Variants in DMXL2 observed in about 807,000 individuals in gnomAD.
DMXL2 encodes dmX-like protein 2.
A neutral mutation model predicts 331.1 loss-of-function variants in DMXL2; 103 were observed. That is an observed-to-expected ratio of 0.31 (90% CI 0.27 to 0.37). DMXL2 has a LOEUF of 0.37. DMXL2 is among the 10% of genes least tolerant of loss of function. The pLI, the probability that DMXL2 is intolerant of heterozygous loss-of-function variation, is 1.00. For synonymous variants in DMXL2, 1,281 were observed against 1,252.1 expected (o/e 1.02, Z -0.49); for missense variants, 3,171 against 3,642.9 (o/e 0.87, Z 3.33).
At position 51,476,606 on chromosome 15, in the gene DMXL2, G is replaced by A; in HGVS notation, c.6947C>T (p.Ser2316Phe). The change falls in exon 27 of 44, where the codon TCT (serine) becomes TTT (phenylalanine). Residue 2316 changes from serine to phenylalanine, a missense_variant. This residue lies in a region of DMXL2 where 766 missense variants were observed against 940.5 expected (regional missense o/e 0.81). Transcript: ENST00000560891. ...ATTCTCACCAGGCCATTGAGCAGGA[G>A]ATGAATTTGGTGTTGCGTGTTCTTC... is the stretch of plus-strand genomic sequence containing the variant. ...SIEEHATPNS[S>F]PAQWPGVSSL... 6.2e-7 allele frequency: 1 copy of A among 1,608,160 alleles called. No homozygotes were observed. Among genetic ancestry groups the A allele is most frequent in the East Asian group, 2.2e-5 (1 of 44,608 alleles).
intron 2 of DMXL2, among the ~76,000 whole-genome samples, chr15:51,572,060 A>G (rs1240681241): frequency 2.0e-5 from 3 of 152,128 alleles, no homozygotes; most frequent in Admixed American, 6.5e-5. Flanking sequence ...AAAGAAAAAA[A>G]GAGAAGAATC....
intron 1 of DMXL2, among the ~76,000 whole-genome samples, chr15:51,621,800 A>C (rs1201144520): frequency 6.6e-6 from 1 of 151,852 alleles, no homozygotes; most frequent in Non-Finnish European, 1.5e-5. Flanking sequence ...TTACCAAACT[A>C]CGACCTCCTG....
intron 42 of DMXL2, 87 bp from the exon 43 acceptor site, chr15:51,450,433 C>T (rs1178227982): frequency 8.3e-7 from 1 of 1,201,998 alleles, no homozygotes; most frequent in African/African-American, 1.5e-5. Context: ...AAATACAGAC[C>T]TTACTGATGC....
Position 51,538,386 on chromosome 15 carries a change from T to C in DMXL2, c.1172A>G (p.His391Arg). The change falls in exon 10 of 44, where the codon CAT becomes CGT. Residue 391 changes from histidine (H) to arginine (R), a missense_variant. Coordinates refer to ENST00000560891, the MANE Select transcript of DMXL2 (RefSeq NM_001378457.1). ...ATGAAATTCCTTGTTGTTTAACCAA[T>C]GAACTACAAAGCCCCCATTTCCATC... Reference protein sequence around the residue: ...VDDGNGGFVVHWLNNKEFHFT... With the variant: ...VDDGNGGFVVRWLNNKEFHFT... 1.2e-6 allele frequency: 2 copies of C among 1,613,280 alleles called. No individual in the cohort carries two copies. Among genetic ancestry groups the C allele is most frequent in the Non-Finnish European group, 1.7e-6 (2 of 1,179,334 alleles).
In DMXL2 at chr15:51,570,275, A is replaced by G. The variant is rs146783698; in HGVS notation, c.214-1717T>C. Among the ~76,000 whole-genome samples the G allele has an allele frequency of 5.5e-3, 831 of 152,302 alleles. 7 individuals are homozygous for G. Among genetic ancestry groups the G allele is most frequent in the African/African-American group, 0.019 (800 of 41,564 alleles). On this transcript the variant is annotated intron_variant, in intron 2 of 43. Coordinates refer to ENST00000560891, the MANE Select transcript of DMXL2 (RefSeq NM_001378457.1). ...AGTGAAACAAATGAACAAATCCTTC[A>G]AGAAATATGGGACTATGTGAAAAGA...
chr15:51,589,575 G>T (rs1231559321), intron 1 of DMXL2, among the ~76,000 whole-genome samples: 3 of 152,178 alleles, frequency 2.0e-5, no homozygotes, highest in African/African-American at 4.8e-5. Flanking sequence ...AGAATTCTGG[G>T]AGGAAAGAGA....
chr15:51,562,200 C>G (rs531939969), intron 6 of DMXL2, among the ~76,000 whole-genome samples: 1 of 152,044 alleles, frequency 6.6e-6, no homozygotes, highest in Non-Finnish European at 1.5e-5. Context: ...TTACACATTA[C>G]GCATGTATCA....
chr15:51,479,770 C>T (rs763568506), intron 25 of DMXL2, among the ~76,000 whole-genome samples, 178 bp downstream of exon 25: 5 of 152,172 alleles, frequency 3.3e-5, no homozygotes, highest in Non-Finnish European at 7.4e-5. Flanking sequence ...AATAACTTCT[C>T]CAGAAGTAAG....
chr15:51,577,315 G>A (rs2051115739), intron 1 of DMXL2, among the ~76,000 whole-genome samples: 1 of 152,134 alleles, frequency 6.6e-6, no homozygotes, highest in Non-Finnish European at 1.5e-5. Context: ...ATATAAGGCT[G>A]CTAATGAAAG....
At chr15:51,503,863 T>A (rs543898523) in intron 16 of DMXL2, among the ~76,000 whole-genome samples, 199 of 152,228 alleles carry the variant, frequency 1.3e-3, no homozygotes, top group Middle Eastern at 3.4e-3. Flanking sequence ...TAAATTTTTT[T>A]AAAAAAATTA....
chr15:51,589,266 T>C (rs1369319973), intron 1 of DMXL2, among the ~76,000 whole-genome samples: 5 of 152,162 alleles, frequency 3.3e-5, no homozygotes, highest in Admixed American at 6.6e-5. Flanking sequence ...AACTCACAAG[T>C]TTCAGAAGCA....
intron 35 of DMXL2, 36 bp from the exon 36 acceptor site, chr15:51,458,663 T>G: frequency 6.2e-7 from 1 of 1,613,910 alleles, no homozygotes; most frequent in Non-Finnish European, 8.5e-7. Context: ...ATTTAAGCAA[T>G]TTCACTAAGG....
Position 51,481,215 on chromosome 15 carries a change from T to C in DMXL2, c.5891A>G (p.Gln1964Arg). The change falls in exon 24 of 44, where the codon CAG becomes CGG. Residue 1964 changes from glutamine to arginine, a missense_variant. Gln to Arg is a conservative substitution (Grantham distance 43, BLOSUM62 1). This residue lies in a region of DMXL2 where 244 missense variants were observed against 251.4 expected (regional missense o/e 0.97). Coordinates refer to ENST00000560891, the MANE Select transcript of DMXL2 (RefSeq NM_001378457.1). The stretch of plus-strand genomic sequence containing the variant: ...TTCCTCATCAACTTTTACTATTGGC[T>C]GACTCCAGTCATACTGTGATGAAGT... Reference protein sequence around the residue: ...NVTSSQYDWSQPIVKVDEEPL... With the variant: ...NVTSSQYDWSRPIVKVDEEPL... 10 of 1,614,042 alleles carry C rather than the reference T, an allele frequency of 6.2e-6. No homozygotes were observed. Among genetic ancestry groups the C allele is most frequent in the Non-Finnish European group, 8.5e-6 (10 of 1,179,936 alleles).
intron 43 of DMXL2, 118 bp downstream of exon 43, chr15:51,450,011 T>A: frequency 2.3e-6 from 2 of 884,266 alleles, no homozygotes; most frequent in South Asian, 1.7e-5. Context: ...ATATGCAGTA[T>A]CTCCATGCAG....
At chr15:51,517,055 C>T (rs956921517) in intron 14 of DMXL2, 23 bp downstream of exon 14, 5 of 1,585,972 alleles carry the variant, frequency 3.2e-6, no homozygotes, top group African/African-American at 2.7e-5. Flanking sequence ...ACGAATATCA[C>T]CAATTCACAA....
intron 1 of DMXL2, among the ~76,000 whole-genome samples, chr15:51,608,565 A>G (rs777568371): frequency 3.3e-5 from 5 of 152,218 alleles, no homozygotes; most frequent in Non-Finnish European, 7.3e-5. Flanking sequence ...ATGGACACAA[A>G]GAAGGGAACA....
chr15:51,448,273 C>T lies in DMXL2; in HGVS notation c.*711G>A, dbSNP rs1217481223. On this transcript the variant is annotated 3_prime_UTR_variant, in exon 44 of 44. Coordinates refer to ENST00000560891, the MANE Select transcript of DMXL2 (RefSeq NM_001378457.1). ...GGACTAAGAAGGTGTGTTTGGTTAA[C>T]TACAAATATGTCATGTTCACATAGT... 1 of 152,690 alleles carries T rather than the reference C, an allele frequency of 6.5e-6. No individual in the cohort carries two copies. The highest frequency in any genetic ancestry group is 2.4e-5 in the African/African-American group (1 of 41,440). The allele number at this position is 152,690 out of a possible 1,614,324, so 9.5% of individuals were successfully genotyped here.
chr15:51,556,375 TCAG>T (rs1346934030), intron 6 of DMXL2, among the ~76,000 whole-genome samples: 2 of 133,138 alleles, frequency 1.5e-5, no homozygotes, highest in Non-Finnish European at 3.2e-5. Flanking sequence ...AAAAAAAAGA[TCAG>T]CAGATCAAAT....
In DMXL2 at chr15:51,538,299, T is replaced by C; in HGVS notation, c.1259A>G (p.Asp420Gly). The C allele has an allele frequency of 6.2e-7, 1 of 1,613,878 alleles. No individual in the cohort carries two copies. Among genetic ancestry groups the C allele is most frequent in the Non-Finnish European group, 8.5e-7 (1 of 1,179,836 alleles). ...QLRKLSDKQV[D>G]HENDDADRED... ...TCTATCTGCATCATCATTTTCATGA[T>C]CTACCTGCTTATCAGAAAGTTTTCG... Residue 420 changes from aspartate to glycine, a missense_variant, in exon 10 of 44, where the codon GAT (aspartate) becomes GGT (glycine). Coordinates refer to ENST00000560891, the MANE Select transcript of DMXL2 (RefSeq NM_001378457.1).
Sources: gnomAD v4.1 joint callset for allele counts (sites outside exome capture counted in the v4.1 genomes callset) on GRCh38, gnomAD v4.1.1 for gene constraint, gnomAD v4.1.1 regional missense constraint, MANE v1.5 for transcripts, NCBI Gene and HGNC (gene_info 2026-07-23, HGNC 2026-07-21) for gene names.